Variants in FAM210A observed in about 807,000 individuals in gnomAD.
The protein encoded by FAM210A is mitochondrial inner membrane scaffold 1.
In FAM210A, 13 loss-of-function variants were observed where a neutral mutation model predicts 25.3. The ratio of observed to expected loss-of-function variants is 0.51; its 90% confidence interval spans 0.33 to 0.82. The LOEUF is 0.82. Among genes scored for constraint, FAM210A ranks in the 40% least tolerant of loss-of-function variants. The pLI is 0.02. For synonymous variants in FAM210A, 125 were observed against 118.7 expected (o/e 1.05, Z -0.35); for missense variants, 319 against 323.2 (o/e 0.99, Z 0.10).
At chr18:13,671,569 C>G (rs2043442552) in intron 3 of FAM210A, among the ~76,000 whole-genome samples, 2 of 151,450 alleles carry the variant, frequency 1.3e-5, no homozygotes, top group Admixed American at 1.3e-4. Context: ...ATCTTGTTAT[C>G]TCCCAGCTAC....
At position 13,665,187 on chromosome 18, in the gene FAM210A, C is replaced by CT. The variant is rs1276393797; in HGVS notation, c.*1292dup. On this transcript the variant is annotated 3_prime_UTR_variant, in exon 4 of 4. Coordinates refer to ENST00000651643, the MANE Select transcript of FAM210A (RefSeq NM_152352.4). ...CTGAGGTCAGGAGTTGGAGACTAGC[C>CT]TGGCTAACATGGTGAAACTCCACCT... The CT allele has an allele frequency of 6.6e-6, 1 of 151,864 alleles. No homozygotes were observed. The highest frequency in any genetic ancestry group is 1.5e-5 in the Non-Finnish European group (1 of 68,056). 9.4% of individuals were successfully genotyped at this position (151,864 alleles called of 1,614,324 possible).
chr18:13,718,321 G>T (rs1322636237), intron 1 of FAM210A, among the ~76,000 whole-genome samples: 9 of 152,098 alleles, frequency 5.9e-5, no homozygotes. Flanking sequence ...TACAAAAATG[G>T]AAGGCCACAC....
intron 2 of FAM210A, among the ~76,000 whole-genome samples, chr18:13,673,167 CCA>C (rs2043457743): frequency 6.6e-6 from 1 of 151,562 alleles, no homozygotes; most frequent in African/African-American, 2.4e-5. Flanking sequence ...TGACCTATTT[CCA>C]GTTTCCTGAT....
At chr18:13,681,397 TA>T (rs1267607163) in intron 2 of FAM210A, among the ~76,000 whole-genome samples, 3 of 152,294 alleles carry the variant, frequency 2.0e-5, no homozygotes, top group African/African-American at 7.2e-5. Context: ...GAGGATTAAA[TA>T]AGATGAAACA....
intron 1 of FAM210A, among the ~76,000 whole-genome samples, chr18:13,695,140 A>C (rs1300388959): frequency 1.3e-5 from 2 of 152,232 alleles, no homozygotes; most frequent in Non-Finnish European, 2.9e-5. Context: ...CCATCAGAGA[A>C]ATGCAAATCA....
chr18:13,722,575 T>C (rs546905659), intron 1 of FAM210A, among the ~76,000 whole-genome samples: 1 of 152,330 alleles, frequency 6.6e-6, no homozygotes, highest in Non-Finnish European at 1.5e-5. Context: ...TTCATCAGGA[T>C]GTTCCCATAT....
intron 1 of FAM210A, among the ~76,000 whole-genome samples, chr18:13,713,751 C>CACACACACACACACACAT (rs1208787484): frequency 6.6e-6 from 1 of 151,870 alleles, no homozygotes; most frequent in Non-Finnish European, 1.5e-5. Context: ...CACACACACA[C>CACACACACACACACACAT]ACGTTTAGAG....
intron 1 of FAM210A, among the ~76,000 whole-genome samples, chr18:13,698,609 G>A (rs1348293604): frequency 6.6e-6 from 1 of 151,952 alleles, no homozygotes; most frequent in Non-Finnish European, 1.5e-5. Flanking sequence ...ATTCCGCAGG[G>A]GTTCAGGCCA....
chr18:13,721,493 T>C (rs1246226090), intron 1 of FAM210A, among the ~76,000 whole-genome samples: 1 of 152,184 alleles, frequency 6.6e-6, no homozygotes, highest in Non-Finnish European at 1.5e-5. Context: ...CATCCTTAAG[T>C]GCACTCATCT....
chr18:13,687,124 T>C (rs1179744197), intron 1 of FAM210A, among the ~76,000 whole-genome samples: 1 of 152,198 alleles, frequency 6.6e-6, no homozygotes, highest in Non-Finnish European at 1.5e-5. Flanking sequence ...CTTAAAGGTA[T>C]ATTTAAGAAT....
chr18:13,716,150 A>G (rs372674300), intron 1 of FAM210A, among the ~76,000 whole-genome samples: 5 of 152,384 alleles, frequency 3.3e-5, no homozygotes, highest in East Asian at 3.9e-4. Flanking sequence ...ACATGGCTTC[A>G]TAGTATACAG....
intron 1 of FAM210A, among the ~76,000 whole-genome samples, chr18:13,699,507 G>A (rs1248114809): frequency 1.3e-5 from 2 of 151,972 alleles, no homozygotes; most frequent in East Asian, 3.9e-4. Flanking sequence ...AAAATCACTA[G>A]ATAAATCTAC....
chr18:13,695,705 G>A lies in FAM210A; in HGVS notation c.-28-13600C>T, dbSNP rs148132734. Among the ~76,000 whole-genome samples, 1,160 of 149,712 alleles carry A rather than the reference G, an allele frequency of 7.7e-3. 20 individuals carry two copies. The highest frequency in any genetic ancestry group is 0.028 in the African/African-American group (1,119 of 40,496). ...CAGGGTAGGGAACATCACACACCAGGGCCTGCGGTGGGTGGGGGGAGGGGG... is the reference window on the plus strand; with the variant it reads ...CAGGGTAGGGAACATCACACACCAGAGCCTGCGGTGGGTGGGGGGAGGGGG... On this transcript the variant is annotated intron_variant, in intron 1 of 3. Transcript: ENST00000651643.
chr18:13,722,361 C>T (rs1192610574), intron 1 of FAM210A, among the ~76,000 whole-genome samples: 1 of 151,656 alleles, frequency 6.6e-6, no homozygotes, highest in Non-Finnish European at 1.5e-5. Flanking sequence ...GCTCCCACTG[C>T]AATCTCTGAC....
intron 3 of FAM210A, among the ~76,000 whole-genome samples, chr18:13,667,394 C>T (rs1415702005): frequency 6.6e-6 from 1 of 152,154 alleles, no homozygotes; most frequent in Non-Finnish European, 1.5e-5. Flanking sequence ...CAAAGAGAAC[C>T]ATACAAGTAA....
At chr18:13,683,174 T>C (rs1209025242) in intron 1 of FAM210A, among the ~76,000 whole-genome samples, 8 of 152,246 alleles carry the variant, frequency 5.3e-5, no homozygotes, top group African/African-American at 1.9e-4. Flanking sequence ...ATGAGCATCA[T>C]AAATGTTATT....
intron 1 of FAM210A, among the ~76,000 whole-genome samples, chr18:13,683,287 T>C (rs911034423): frequency 2.6e-5 from 4 of 152,230 alleles, no homozygotes; most frequent in Non-Finnish European, 5.9e-5. Flanking sequence ...CTTACGTTAT[T>C]GAATGGCGAG....
intron 1 of FAM210A, among the ~76,000 whole-genome samples, chr18:13,722,683 T>C (rs2043906552): frequency 6.6e-6 from 1 of 152,192 alleles, no homozygotes; most frequent in Admixed American, 6.5e-5. Context: ...AGCACTGTAA[T>C]TCAGCCACCT....
At chr18:13,673,577 C>A (rs1175657697) in intron 2 of FAM210A, among the ~76,000 whole-genome samples, 2 of 147,160 alleles carry the variant, frequency 1.4e-5, no homozygotes, top group South Asian at 4.3e-4. Context: ...TTCCAGTTTC[C>A]TGATTATTAA....
Sources: gnomAD v4.1 joint callset for allele counts (sites outside exome capture counted in the v4.1 genomes callset) on GRCh38, gnomAD v4.1.1 for gene constraint, MANE v1.5 for transcripts, NCBI Gene and HGNC (gene_info 2026-07-23, HGNC 2026-07-21) for gene names.